ACTR3C: variants seen among roughly 807,000 people sequenced by gnomAD.
The protein encoded by ACTR3C is actin related protein 3C.
ACTR3C carries 18 observed loss-of-function variants against 26.3 expected under a neutral mutation model. The observed-to-expected ratio is 0.68, with a 90% CI of 0.47 to 1.01. The LOEUF (loss-of-function observed/expected upper bound fraction) is 1.01. Ranked by LOEUF, ACTR3C falls within the 50% of genes least tolerant of loss-of-function variation. The pLI, the probability that ACTR3C is intolerant of heterozygous loss-of-function variation, is 0.00. For missense variants in ACTR3C, 184 were observed against 250.7 expected (o/e 0.73, Z 1.80); for synonymous variants, 55 against 94.5 (o/e 0.58, Z 2.42).
chr7:150,236,038 G>A, the ACTR3C span, among the ~76,000 whole-genome samples: 2 of 151,858 alleles, frequency 1.3e-5, no homozygotes, highest in African/African-American at 4.9e-5. Context: ...CAGAAGAGTG[G>A]GAAAGTTTAA....
At chr7:150,083,952 C>G in the ACTR3C span, among the ~76,000 whole-genome samples, 1 of 152,170 alleles carries the variant, frequency 6.6e-6, no homozygotes, top group African/African-American at 2.4e-5. Flanking sequence ...CTAAAACTAC[C>G]AAATGATCAA....
At chr7:150,311,825 G>A (rs1165165778) in intron 1 of ACTR3C, among the ~76,000 whole-genome samples, 1 of 152,140 alleles carries the variant, frequency 6.6e-6, no homozygotes, top group Non-Finnish European at 1.5e-5. Flanking sequence ...CCCAACAAGC[G>A]GAACTGATTG....
At position 150,296,967 on chromosome 7, in the gene ACTR3C, G is replaced by A. The variant is rs1463060197; in HGVS notation, c.-51-1620C>T. On this transcript the variant is annotated intron_variant, in intron 1 of 7. Transcript: ENST00000683684. ...CAGGAGCCAACCCCGACGGCACCTC[G>A]ACCTTGGACTTCTAACCTCCAGAAC... Among the ~76,000 whole-genome samples the A allele has an allele frequency of 1.3e-4, 19 of 151,844 alleles. No homozygotes were observed. The East Asian group carries it at 1.4e-3, about 11-fold the overall frequency.
At chr7:149,917,613 A>G in the ACTR3C span, among the ~76,000 whole-genome samples, 1 of 143,556 alleles carries the variant, frequency 7.0e-6, no homozygotes, top group African/African-American at 2.6e-5. Flanking sequence ...GAAATGTTAC[A>G]TCTTAAAACA....
the ACTR3C span, among the ~76,000 whole-genome samples, chr7:150,215,281 A>C: frequency 6.6e-6 from 1 of 152,208 alleles, no homozygotes; most frequent in Non-Finnish European, 1.5e-5. Context: ...ACGCTTCATC[A>C]GCTTTTTCAC....
At chr7:149,899,958 C>A in the ACTR3C span, among the ~76,000 whole-genome samples, 1 of 81,890 alleles carries the variant, frequency 1.2e-5, no homozygotes, top group Non-Finnish European at 3.2e-5. Flanking sequence ...TCTTGACACA[C>A]ACACACCAAA....
the ACTR3C span, among the ~76,000 whole-genome samples, chr7:149,987,680 A>C: frequency 6.8e-6 from 1 of 146,752 alleles, no homozygotes; most frequent in African/African-American, 2.5e-5. Context: ...TATTTTCTCC[A>C]TATCTATTTT....
the ACTR3C span, among the ~76,000 whole-genome samples, chr7:150,120,145 G>T: frequency 2.0e-5 from 3 of 151,962 alleles, no homozygotes; most frequent in African/African-American, 7.2e-5. Context: ...AAGGTCTAAG[G>T]TTGACACCCT....
chr7:150,054,333 G>C, the ACTR3C span, among the ~76,000 whole-genome samples: 1 of 152,194 alleles, frequency 6.6e-6, no homozygotes, highest in East Asian at 1.9e-4. Context: ...CCTGTCCCCT[G>C]ACACCTACTG....
intron 6 of ACTR3C, among the ~76,000 whole-genome samples, chr7:150,280,798 ATGTGTGTG>A (rs200924995): frequency 2.0e-5 from 3 of 147,582 alleles, no homozygotes; most frequent in African/African-American, 5.1e-5. Context: ...CCTGCTCTTG[ATGTGTGTG>A]TGTGTGTGTG....
chr7:150,251,911 G>A (rs1832878055), intron 6 of ACTR3C, among the ~76,000 whole-genome samples: 1 of 151,962 alleles, frequency 6.6e-6, no homozygotes, highest in African/African-American at 2.4e-5. Flanking sequence ...TATAAAGCAA[G>A]GTTATAATTT....
downstream of ACTR3C, among the ~76,000 whole-genome samples, chr7:150,239,192 T>G (rs1450741057): frequency 6.6e-6 from 1 of 151,488 alleles, no homozygotes; most frequent in Non-Finnish European, 1.5e-5. Context: ...CTTCATCCAT[T>G]CTGGCAAACA....
At chr7:150,160,343 T>C in the ACTR3C span, among the ~76,000 whole-genome samples, 2 of 152,092 alleles carry the variant, frequency 1.3e-5, no homozygotes, top group Admixed American at 1.3e-4. Flanking sequence ...TAGTTTTTAT[T>C]TGTACTCAAA....
At chr7:149,999,585 C>T in the ACTR3C span, among the ~76,000 whole-genome samples, 8 of 151,256 alleles carry the variant, frequency 5.3e-5, no homozygotes, top group Non-Finnish European at 8.8e-5. Flanking sequence ...ACTGAGTGGC[C>T]GCCTGACTGT....
intron 6 of ACTR3C, among the ~76,000 whole-genome samples, chr7:150,271,233 G>A (rs1834426001): frequency 6.9e-6 from 1 of 144,008 alleles, no homozygotes; most frequent in Non-Finnish European, 1.5e-5. Context: ...TACATGTGCA[G>A]AACGTGCAGG....
the ACTR3C span, among the ~76,000 whole-genome samples, chr7:149,900,566 A>C: frequency 1.3e-5 from 2 of 151,984 alleles, no homozygotes; most frequent in African/African-American, 4.8e-5. Flanking sequence ...AAAAGAAGGA[A>C]TTTGGGTACA....
chr7:149,929,425 CAA>C, the ACTR3C span, among the ~76,000 whole-genome samples: 22 of 49,126 alleles, frequency 4.5e-4, no homozygotes, highest in African/African-American at 6.3e-4. Context: ...AAGATTCTGT[CAA>C]AAAAAAAAAA....
chr7:149,913,184 G>T, the ACTR3C span, among the ~76,000 whole-genome samples: 1 of 152,058 alleles, frequency 6.6e-6, no homozygotes, highest in African/African-American at 2.4e-5. Context: ...ATGCTAGACT[G>T]GCCTGCCCCA....
At chr7:150,106,114 C>T in the ACTR3C span, among the ~76,000 whole-genome samples, 2 of 151,792 alleles carry the variant, frequency 1.3e-5, no homozygotes, top group African/African-American at 4.8e-5. Flanking sequence ...AAAGATACAG[C>T]CAAATCACTC....
Sources: gnomAD v4.1 joint callset for allele counts (sites outside exome capture counted in the v4.1 genomes callset) on GRCh38, gnomAD v4.1.1 for gene constraint, MANE v1.5 for transcripts, NCBI Gene and HGNC (gene_info 2026-07-23, HGNC 2026-07-21) for gene names.